DDX54: variants seen among roughly 807,000 people sequenced by gnomAD.
DDX54 encodes the protein DEAD-box helicase 54.
In DDX54, 67 loss-of-function variants were observed where a neutral mutation model predicts 105.5. The observed-to-expected ratio is 0.64, with a 90% confidence interval of 0.52 to 0.78. DDX54 has a LOEUF of 0.78. Among genes scored for constraint, DDX54 ranks in the 30% least tolerant of loss-of-function variants. The pLI, the probability that DDX54 is intolerant of heterozygous loss-of-function variation, is 0.00. For missense variants in DDX54, 1,206 were observed against 1,230.5 expected (o/e 0.98, Z 0.30); for synonymous variants, 514 against 509.9 (o/e 1.01, Z -0.11).
chr12:113,184,312 C>T (rs1427213433), intron 1 of DDX54, among the ~76,000 whole-genome samples: 2 of 151,822 alleles, frequency 1.3e-5, no homozygotes, highest in African/African-American at 4.8e-5. Flanking sequence ...GAACTCCTGA[C>T]CTCAAGCAAT....
At chr12:113,168,322 C>T (rs1229402712) in intron 12 of DDX54, among the ~76,000 whole-genome samples, 1 of 152,234 alleles carries the variant, frequency 6.6e-6, no homozygotes, top group Non-Finnish European at 1.5e-5. Flanking sequence ...TGACCACTGG[C>T]TAGGCTGTCC....
intron 1 of DDX54, among the ~76,000 whole-genome samples, chr12:113,182,846 C>G (rs1952482288): frequency 6.6e-6 from 1 of 151,552 alleles, no homozygotes; most frequent in Non-Finnish European, 1.5e-5. Flanking sequence ...CATGAGCCAC[C>G]ACGCCCAGCC....
rs147321854 is a variant in DDX54, at chr12:113,177,673, C to A, written c.615-580G>T. Reference sequence around the variant, plus strand: ...CGAGAATCAAGAGTGTTAATAGCGGCATCCTTAAACTTTCTCCCTTAAAGG... The same window carrying A: ...CGAGAATCAAGAGTGTTAATAGCGGAATCCTTAAACTTTCTCCCTTAAAGG... On this transcript the variant is annotated intron_variant, in intron 5 of 19. Transcript: ENST00000306014. 4.6e-5 allele frequency among the ~76,000 whole-genome samples: 7 copies of A among 152,262 alleles called. No individual in the cohort carries two copies. The East Asian group carries it at 1.4e-3, about 29-fold the overall frequency.
intron 2 of DDX54, 127 bp from the exon 3 acceptor site, chr12:113,180,132 C>T: frequency 1.1e-6 from 1 of 909,896 alleles, no homozygotes. Context: ...AGCAATAAAG[C>T]ACAAACTGAA....
chr12:113,162,102 G>T, intron 17 of DDX54, 105 bp from the exon 18 acceptor site: 1 of 1,074,500 alleles, frequency 9.3e-7, no homozygotes, highest in Non-Finnish European at 1.4e-6. Flanking sequence ...CAGGTTGTTG[G>T]AGCATTAAAG....
chr12:113,177,798 A>G (rs2136324712), intron 5 of DDX54, among the ~76,000 whole-genome samples: 1 of 152,302 alleles, frequency 6.6e-6, no homozygotes, highest in East Asian at 1.9e-4. Context: ...CCAAACTCTA[A>G]CCTGTCACTT....
chr12:113,174,883 G>T lies in DDX54; in HGVS notation c.928C>A (p.Gln310Lys). The change falls in exon 9 of 20, where the codon CAG becomes AAG. Residue 310 changes from glutamine (Q) to lysine (K), a missense_variant. By Grantham distance (53) the Gln-to-Lys change is moderately conservative. Around this residue, in one of 3 missense-constraint regions of DDX54, gnomAD observed 961 missense variants for 1,019.1 expected, o/e 0.94. Transcript: ENST00000306014. Reference sequence around the variant, plus strand: ...GACAGGTGCAGCCTCACCTTCAGCTGCTCGTTGAGCTTGGTATCCACGTCA... The same window carrying T: ...GACAGGTGCAGCCTCACCTTCAGCTTCTCGTTGAGCTTGGTATCCACGTCA... Reference protein sequence around the residue: ...RLDVDTKLNEQLKTSFFLVRE... With the variant: ...RLDVDTKLNEKLKTSFFLVRE... The T allele has an allele frequency of 6.2e-7, 1 of 1,614,006 alleles. No homozygotes were observed.
chr12:113,161,210 T>C, intron 19 of DDX54, 60 bp downstream of exon 19: 1 of 1,422,610 alleles, frequency 7.0e-7, no homozygotes, highest in South Asian at 1.3e-5. Context: ...AGCGTTACCC[T>C]AATCTGACCA....
At position 113,176,887 on chromosome 12, in the gene DDX54, G is replaced by T. The variant is rs1952410007; in HGVS notation, c.705C>A (p.Ser235Arg). The change falls in exon 7 of 20, where the codon AGC becomes AGA. Residue 235 changes from serine (S) to arginine (R), a missense_variant. Physicochemically the swap from Ser to Arg is moderately radical, Grantham distance 110 (BLOSUM62 -1). Transcript: ENST00000306014. ...CGTATTCCACACTCTGCAGCTTCAGGCTCATTTCCACAGCCACATGCACCA... is the reference window on the plus strand; with the variant it reads ...CGTATTCCACACTCTGCAGCTTCAGTCTCATTTCCACAGCCACATGCACCA... ...GRLVHVAVEM[S>R]LKLQSVEYVV... The T allele has an allele frequency of 6.2e-7, 1 of 1,614,040 alleles. No homozygotes were observed. Among genetic ancestry groups the T allele is most frequent in the Non-Finnish European group, 8.5e-7 (1 of 1,180,044 alleles).
chr12:113,184,072 GAGT>G (rs1371110219), intron 1 of DDX54, among the ~76,000 whole-genome samples: 1 of 151,498 alleles, frequency 6.6e-6, no homozygotes, highest in Non-Finnish European at 1.5e-5. Context: ...TCAGCCTCCC[GAGT>G]AGCTGGGATT....
At chr12:113,180,613 G>C (rs577028935) in intron 2 of DDX54, among the ~76,000 whole-genome samples, 1 of 152,194 alleles carries the variant, frequency 6.6e-6, no homozygotes. Context: ...TGGCCAGCCA[G>C]GTGTCCCCAC....
At chr12:113,168,487 C>A (rs1342647707) in intron 12 of DDX54, among the ~76,000 whole-genome samples, 1 of 152,238 alleles carries the variant, frequency 6.6e-6, no homozygotes, top group African/African-American at 2.4e-5. Context: ...CTCCCTCTAG[C>A]ACAGATGGAC....
In DDX54 at chr12:113,175,131, T is replaced by C. The variant is rs1248775929; in HGVS notation, c.779A>G (p.Gln260Arg). The change falls in exon 8 of 20, where the codon CAG becomes CGG. Residue 260 changes from glutamine (Q) to arginine (R), a missense_variant. Gln to Arg is a conservative substitution (Grantham distance 43). Coordinates refer to ENST00000306014, the MANE Select transcript of DDX54 (RefSeq NM_024072.4). ...GAGGCGGGCGATGATCTCCTGCAGC[T>C]GCTCTGCGAAACCCATTTCAAAAAG... ...DRLFEMGFAE[Q>R]LQEIIARLPG... is the part of the protein sequence containing the mutation. 2 of 1,612,758 alleles carry C rather than the reference T, an allele frequency of 1.2e-6. No individual in the cohort carries two copies. Among genetic ancestry groups the C allele is most frequent in the Admixed American group, 3.3e-5 (2 of 59,964 alleles).
Position 113,157,922 on chromosome 12 carries a change from C to CA in DDX54, c.*954dup. The CA allele has an allele frequency of 1.8e-6, 1 of 558,242 alleles. No homozygotes were observed. Among genetic ancestry groups the CA allele is most frequent in the African/African-American group, 1.9e-5 (1 of 53,426 alleles). The allele number at this position is 558,242 out of a possible 1,614,324, so 34.6% of individuals were successfully genotyped here. On this transcript the variant is annotated 3_prime_UTR_variant, in exon 20 of 20. Transcript: ENST00000306014. ...GAAGGTCAAGGGGCTATGTGTGGGGCAACTGCCTCTAAAATGAGATCAGAC... is the reference window on the plus strand; with the variant it reads ...GAAGGTCAAGGGGCTATGTGTGGGGCAAACTGCCTCTAAAATGAGATCAGAC...
rs750787516 is a variant in DDX54, at chr12:113,172,523, C to T, written c.1109G>A (p.Ser370Asn). 18 of 1,614,244 alleles carry T rather than the reference C, an allele frequency of 1.1e-5. No individual in the cohort carries two copies. The highest frequency in any genetic ancestry group is 1.5e-5 in the Non-Finnish European group (18 of 1,180,050). ...TQRVSCAHIY[S>N]ALDPTARKIN... is the part of the protein sequence containing the mutation. The stretch of plus-strand genomic sequence containing the variant: ...CTTGCGGGCTGTCGGGTCTAGGGCA[C>T]TGTAGATGTGGGCGCAGCTCACCCG... Residue 370 changes from serine to asparagine, a missense_variant, in exon 11 of 20, where the codon AGT (serine) becomes AAT (asparagine). Coordinates refer to ENST00000306014, the MANE Select transcript of DDX54 (RefSeq NM_024072.4).
intron 3 of DDX54, among the ~76,000 whole-genome samples, chr12:113,179,703 G>T (rs768945604): frequency 4.6e-4 from 70 of 152,192 alleles, no homozygotes; most frequent in Non-Finnish European, 1.2e-4. Context: ...CTGAGCTGAG[G>T]TTCAGCTGTG....
chr12:113,171,329 T>C (rs1050373530), intron 11 of DDX54, among the ~76,000 whole-genome samples: 1 of 152,110 alleles, frequency 6.6e-6, no homozygotes, highest in Non-Finnish European at 1.5e-5. Flanking sequence ...GGGCCAAGCA[T>C]GGTGGCTCAC....
At position 113,167,135 on chromosome 12, in the gene DDX54, T is replaced by C. The variant is rs1488138982; in HGVS notation, c.1415-1103A>G. Among the ~76,000 whole-genome samples the C allele has an allele frequency of 3.9e-5, 6 of 151,942 alleles. 1 individual carries two copies. The highest frequency in any genetic ancestry group is 8.8e-5 in the Non-Finnish European group (6 of 67,966). The stretch of plus-strand genomic sequence containing the variant: ...GCTCACACCTGTAACCCCAGCACTT[T>C]GGAAGCCAAGGCAGGAGGATCGCTT... On this transcript the variant is annotated intron_variant, in intron 12 of 19. Coordinates refer to ENST00000306014, the MANE Select transcript of DDX54 (RefSeq NM_024072.4).
At position 113,174,579 on chromosome 12, in the gene DDX54, G is replaced by A. The variant is rs1290244839; in HGVS notation, c.1068+61C>T. On this transcript the variant is annotated intron_variant, in intron 10 of 19. Coordinates refer to ENST00000306014, the MANE Select transcript of DDX54 (RefSeq NM_024072.4). Reference sequence around the variant, plus strand: ...GTGCTGCCCTCTAGTGACTGCACAGGGAACTGCAGCTCCAAACTCCAGCTG... The same window carrying A: ...GTGCTGCCCTCTAGTGACTGCACAGAGAACTGCAGCTCCAAACTCCAGCTG... 5 of 1,582,664 alleles carry A rather than the reference G, an allele frequency of 3.2e-6. No individual in the cohort carries two copies. The East Asian group carries it at 9.1e-5, about 29-fold the overall frequency.
Sources: allele counts gnomAD v4.1 joint callset (sites outside exome capture counted in the v4.1 genomes callset), GRCh38; gene constraint gnomAD v4.1.1; regional missense constraint gnomAD v4.1.1; transcripts MANE v1.5; gene names NCBI Gene and HGNC (gene_info 2026-07-23, HGNC 2026-07-21).